Variants in NAT14 observed in about 807,000 individuals in gnomAD.
The protein encoded by NAT14 is N-acetyltransferase 14 (putative), also known as probable N-acetyltransferase 14.
A neutral mutation model predicts 12.1 loss-of-function variants in NAT14; 14 were observed. That is an observed-to-expected ratio of 1.16 (90% confidence interval 0.76 to 1.81). The LOEUF is 1.81. Among genes scored for constraint, NAT14 ranks in the 40% most tolerant of loss-of-function variants. The pLI is 0.00. For missense variants in NAT14, 341 were observed against 304.3 expected, an observed-to-expected ratio of 1.12 and a Z score of -0.90; for synonymous variants, 156 against 145.1, an observed-to-expected ratio of 1.08 and a Z score of -0.54.
chr19:55,486,695 G>A lies in NAT14; in HGVS notation c.360G>A (p.Gly120=). 7.0e-7 allele frequency: 1 copy of A among 1,429,860 alleles called. No individual in the cohort carries two copies. The highest frequency in any genetic ancestry group is 1.5e-5 in the South Asian group (1 of 67,016). The allele number at this position is 1,429,860 out of a possible 1,614,324, so 88.6% of individuals were successfully genotyped here. The change falls in exon 3 of 3, where the codon GGG becomes GGA. Residue 120 remains glycine, a synonymous_variant. Transcript: ENST00000205194. ...CTCTGGCCCCTGGCACAAATGCAGGGGACGGGGCCCGGGTCACCCGCCTGT... is the reference window on the plus strand; with the variant it reads ...CTCTGGCCCCTGGCACAAATGCAGGAGACGGGGCCCGGGTCACCCGCCTGT... ...VLALAPGTNA[G]DGARVTRLSV...
Position 55,487,487 on chromosome 19 carries a change from G to C in NAT14, c.*531G>C, listed in dbSNP as rs1986963396. On this transcript the variant is annotated 3_prime_UTR_variant, in exon 3 of 3. Coordinates refer to ENST00000205194, the MANE Select transcript of NAT14 (RefSeq NM_020378.4). ...CCTGGCCCCTCTCTGGGAAGGTTGA[G>C]AGCTGAGACGGGCAGCCCTGTCCCT... is the stretch of plus-strand genomic sequence containing the variant. The C allele has an allele frequency of 2.5e-6, 1 of 397,310 alleles. No individual in the cohort carries two copies. Among genetic ancestry groups the C allele is most frequent in the Non-Finnish European group, 4.4e-6 (1 of 225,784 alleles). 24.6% of individuals were successfully genotyped at this position (397,310 alleles called of 1,614,324 possible). A position where few individuals can be genotyped will look rare whatever the true frequency, so the allele number is the denominator to read the frequency against.
Position 55,487,175 on chromosome 19 carries a change from CT to C in NAT14, c.*223del. 3.0e-6 allele frequency: 2 copies of C among 674,580 alleles called. No individual in the cohort carries two copies. Among genetic ancestry groups the C allele is most frequent in the Non-Finnish European group, 2.3e-6 (1 of 437,020 alleles). The allele number at this position is 674,580 out of a possible 1,614,324, so 41.8% of individuals were successfully genotyped here. Reference sequence around the variant, plus strand: ...TGAGCTTCTCAGAGTGGAATGACTCCTTTTCCTTCCTGGCCCTCGGGGGCCT... The same window carrying C: ...TGAGCTTCTCAGAGTGGAATGACTCCTTTCCTTCCTGGCCCTCGGGGGCCT... On this transcript the variant is annotated 3_prime_UTR_variant, in exon 3 of 3. Coordinates refer to ENST00000205194, the MANE Select transcript of NAT14 (RefSeq NM_020378.4).
At chr19:55,486,364 G>T (rs758155869) in intron 2 of NAT14, 44 bp from the exon 3 acceptor site, 2 of 1,403,376 alleles carry the variant, frequency 1.4e-6, no homozygotes, top group African/African-American at 1.5e-5. Context: ...TTGTCCAGGA[G>T]GCCCTAGCGT....
chr19:55,486,476 C>G lies in NAT14; in HGVS notation c.141C>G (p.Leu47=). 2.6e-6 allele frequency: 4 copies of G among 1,559,328 alleles called. No homozygotes were observed. Among genetic ancestry groups the G allele is most frequent in the Non-Finnish European group, 3.4e-6 (4 of 1,161,320 alleles). ...HALTRPPALL[L]LAAASSGLRF... ...TGACACGGCCGCCGGCCCTGCTCCT[C>G]CTGGCGGCGGCCAGCAGCGGCCTGC... Residue 47 remains leucine (L), a synonymous_variant, in exon 3 of 3, where the codon CTC becomes CTG. Coordinates refer to ENST00000205194, the MANE Select transcript of NAT14 (RefSeq NM_020378.4).
At position 55,485,905 on chromosome 19, in the gene NAT14, G is replaced by C. The variant is rs1986900867; in HGVS notation, c.72+125G>C. 3.9e-6 allele frequency: 3 copies of C among 775,260 alleles called. No individual in the cohort carries two copies. The South Asian group carries it at 4.7e-5, about 12-fold the overall frequency. The allele number at this position is 775,260 out of a possible 1,614,324, so 48.0% of individuals were successfully genotyped here. A position where few individuals can be genotyped will look rare whatever the true frequency, so the allele number is the denominator to read the frequency against. ...CCCTGGAGCGGGATCTTTTCCTCCT[G>C]AGCCTCAGCCGCCCTGCTGCTGAAA... On this transcript the variant is annotated intron_variant, in intron 2 of 2. Transcript: ENST00000205194.
At position 55,486,729 on chromosome 19, in the gene NAT14, C is replaced by G. The variant is rs867256343; in HGVS notation, c.394C>G (p.Arg132Gly). ...CCGGGTCACCCGCCTGTCTGTCTCT[C>G]GCTGGCACCGCCGCCGGGGCGTGGG... ...GARVTRLSVSRWHRRRGVGRR... is the reference protein window; with the variant it reads ...GARVTRLSVSGWHRRRGVGRR... The change falls in exon 3 of 3, where the codon CGC becomes GGC. Residue 132 changes from arginine (R) to glycine (G), a missense_variant. Arg to Gly is a moderately radical substitution (Grantham distance 125, BLOSUM62 -2). Coordinates refer to ENST00000205194, the MANE Select transcript of NAT14 (RefSeq NM_020378.4). 9 of 1,415,996 alleles carry G rather than the reference C, an allele frequency of 6.4e-6. No homozygotes were observed. Among genetic ancestry groups the G allele is most frequent in the East Asian group, 5.7e-5 (2 of 35,364 alleles). 87.7% of individuals were successfully genotyped at this position (1,415,996 alleles called of 1,614,324 possible). A position where few individuals can be genotyped will look rare whatever the true frequency, so the allele number is the denominator to read the frequency against.
rs118182626 is a variant in NAT14, at chr19:55,486,950, C to T, written c.615C>T (p.Asp205=). Residue 205 remains aspartate, a synonymous_variant, in exon 3 of 3, where the codon GAC becomes GAT. Transcript: ENST00000205194. The stretch of plus-strand genomic sequence containing the variant: ...CGCTGGTGAGGGAATTCAGCAAAGA[C>T]CTGTGAAGCTACAGACTGACAGCCA... ...GYTLVREFSK[D]L is the part of the protein sequence containing the mutation. 1.5e-3 allele frequency: 2,333 copies of T among 1,559,416 alleles called. 13 individuals carry two copies. In the Middle Eastern group the frequency reaches 0.018, roughly 12 times the overall value.
At position 55,486,214 on chromosome 19, in the gene NAT14, T is replaced by A. The variant is rs1042152730; in HGVS notation, c.73-194T>A. 1.7e-5 allele frequency: 12 copies of A among 726,318 alleles called. No homozygotes were observed. In the Admixed American group the frequency reaches 2.8e-4, roughly 17 times the overall value. The allele number at this position is 726,318 out of a possible 1,614,324, so 45.0% of individuals were successfully genotyped here. ...AATTGAGTGCCCCCACAGCTCCTAA[T>A]TCACTCATCCATCCATCATTCGCTC... is the stretch of plus-strand genomic sequence containing the variant. On this transcript the variant is annotated intron_variant, in intron 2 of 2. Transcript: ENST00000205194.
In NAT14 at chr19:55,487,054, T is replaced by C; in HGVS notation, c.*98T>C. 1 of 1,455,318 alleles carries C rather than the reference T, an allele frequency of 6.9e-7. No homozygotes were observed. Among genetic ancestry groups the C allele is most frequent in the Non-Finnish European group, 9.0e-7 (1 of 1,108,032 alleles). The allele number at this position is 1,455,318 out of a possible 1,614,324, so 90.2% of individuals were successfully genotyped here. Reference sequence around the variant, plus strand: ...GGTTCTTTTACCTGCTCTCCCTCAGTGAGTCCTCAACCACCCTGGGCCCAG... The same window carrying C: ...GGTTCTTTTACCTGCTCTCCCTCAGCGAGTCCTCAACCACCCTGGGCCCAG... On this transcript the variant is annotated 3_prime_UTR_variant, in exon 3 of 3. Transcript: ENST00000205194.
chr19:55,486,830 C>A lies in NAT14; in HGVS notation c.495C>A (p.Leu165=), dbSNP rs757544482. The A allele has an allele frequency of 2.7e-6, 4 of 1,506,736 alleles. No individual in the cohort carries two copies. The African/African-American group carries it at 5.7e-5, about 22-fold the overall frequency. 93.3% of individuals were successfully genotyped at this position (1,506,736 alleles called of 1,614,324 possible). ...AGGMGEPRAR[L]VVPVAVAAWG... ...GCATGGGGGAGCCCCGGGCCCGGCT[C>A]GTGGTCCCCGTGGCTGTGGCCGCCT... The change falls in exon 3 of 3, where the codon CTC becomes CTA. Residue 165 remains leucine, a synonymous_variant. Transcript: ENST00000205194.
At position 55,486,729 on chromosome 19, in the gene NAT14, C is replaced by A. The variant is rs867256343; in HGVS notation, c.394C>A (p.Arg132Ser). The change falls in exon 3 of 3, where the codon CGC becomes AGC. Residue 132 changes from arginine to serine, a missense_variant. Coordinates refer to ENST00000205194, the MANE Select transcript of NAT14 (RefSeq NM_020378.4). ...CCGGGTCACCCGCCTGTCTGTCTCTCGCTGGCACCGCCGCCGGGGCGTGGG... is the reference window on the plus strand; with the variant it reads ...CCGGGTCACCCGCCTGTCTGTCTCTAGCTGGCACCGCCGCCGGGGCGTGGG... ...GARVTRLSVS[R>S]WHRRRGVGRR... 7.1e-7 allele frequency: 1 copy of A among 1,415,994 alleles called. No individual in the cohort carries two copies. The highest frequency in any genetic ancestry group is 1.5e-5 in the South Asian group (1 of 65,130). 87.7% of individuals were successfully genotyped at this position (1,415,994 alleles called of 1,614,324 possible). A position where few individuals can be genotyped will look rare whatever the true frequency, so the allele number is the denominator to read the frequency against.
At position 55,486,521 on chromosome 19, in the gene NAT14, C is replaced by A; in HGVS notation, c.186C>A (p.Phe62Leu). Residue 62 changes from phenylalanine (F) to leucine (L), a missense_variant, in exon 3 of 3, where the codon TTC becomes TTA. Phe to Leu is a conservative substitution (Grantham distance 22). Transcript: ENST00000205194. ...GCCTGCGCTTTGTCCTGGCTTCCTT[C>A]GCCCTGGCCCTCCTCCTGCCGGTGT... ...SSGLRFVLAS[F>L]ALALLLPVFL... is the part of the protein sequence containing the mutation. The A allele has an allele frequency of 6.3e-7, 1 of 1,586,920 alleles. No homozygotes were observed. Among genetic ancestry groups the A allele is most frequent in the Non-Finnish European group, 8.5e-7 (1 of 1,173,654 alleles).
At position 55,487,460 on chromosome 19, in the gene NAT14, G is replaced by C. The variant is rs1986962568; in HGVS notation, c.*504G>C. On this transcript the variant is annotated 3_prime_UTR_variant, in exon 3 of 3. Transcript: ENST00000205194. ...GGAGGCGCGACGCACAGGGCTGCCA[G>C]GCCTGGCCCCTCTCTGGGAAGGTTG... 1 of 398,040 alleles carries C rather than the reference G, an allele frequency of 2.5e-6. No homozygotes were observed. 24.7% of individuals were successfully genotyped at this position (398,040 alleles called of 1,614,324 possible). A position where few individuals can be genotyped will look rare whatever the true frequency, so the allele number is the denominator to read the frequency against.
Position 55,486,551 on chromosome 19 carries a change from G to T in NAT14, c.216G>T (p.Leu72=). ...TGGCCCTCCTCCTGCCGGTGTTCCT[G>T]GCTGTGGCCGCCGTGAAGCTGGGCC... ...FALALLLPVF[L]AVAAVKLGLR... is the part of the protein sequence containing the mutation. The change falls in exon 3 of 3, where the codon CTG becomes CTT. Residue 72 remains leucine (L), a synonymous_variant. Coordinates refer to ENST00000205194, the MANE Select transcript of NAT14 (RefSeq NM_020378.4). The T allele has an allele frequency of 6.3e-7, 1 of 1,587,940 alleles. No individual in the cohort carries two copies. Among genetic ancestry groups the T allele is most frequent in the Admixed American group, 1.7e-5 (1 of 58,844 alleles).
intron 2 of NAT14, 101 bp downstream of exon 2, chr19:55,485,881 C>T (rs1210788367): frequency 1.1e-6 from 1 of 924,170 alleles, no homozygotes; most frequent in African/African-American, 1.6e-5. Context: ...AGCCTGGACC[C>T]CTGGAGCGGG....
At position 55,486,482 on chromosome 19, in the gene NAT14, G is replaced by GGCGGCCAGCA; in HGVS notation, c.154_163dup (p.Leu55GlnfsTer55). The GGCGGCCAGCA allele has an allele frequency of 6.4e-7, 1 of 1,561,932 alleles. No individual in the cohort carries two copies. ...GGCCGCCGGCCCTGCTCCTCCTGGC[G>GGCGGCCAGCA]GCGGCCAGCAGCGGCCTGCGCTTTG... On this transcript the variant is annotated frameshift_variant, in exon 3 of 3. Coordinates refer to ENST00000205194, the MANE Select transcript of NAT14 (RefSeq NM_020378.4). LOFTEE classifies it high-confidence loss of function.
chr19:55,486,371 G>T (rs1986911944), intron 2 of NAT14, 37 bp from the exon 3 acceptor site: 5 of 1,410,402 alleles, frequency 3.5e-6, no homozygotes, highest in Non-Finnish European at 4.6e-6. Context: ...GGAGGCCCTA[G>T]CGTTTCGGAT....
Position 55,487,129 on chromosome 19 carries a change from C to A in NAT14, c.*173C>A. 1 of 999,638 alleles carries A rather than the reference C, an allele frequency of 1.0e-6. No individual in the cohort carries two copies. Among genetic ancestry groups the A allele is most frequent in the Non-Finnish European group, 1.4e-6 (1 of 718,186 alleles). 61.9% of individuals were successfully genotyped at this position (999,638 alleles called of 1,614,324 possible). A position where few individuals can be genotyped will look rare whatever the true frequency, so the allele number is the denominator to read the frequency against. ...AGCCTGGCCTCTGTCCACCCGTCAG[C>A]AGTGTGAAGTCTGTTGTGTTTGAGC... On this transcript the variant is annotated 3_prime_UTR_variant, in exon 3 of 3. Coordinates refer to ENST00000205194, the MANE Select transcript of NAT14 (RefSeq NM_020378.4).
chr19:55,485,829 A>G, intron 2 of NAT14, 49 bp downstream of exon 2: 9 of 1,385,626 alleles, frequency 6.5e-6, no homozygotes, highest in Non-Finnish European at 9.0e-6. Context: ...CAGTGGGGGA[A>G]TTGCAAGTGG....
Sources: allele counts gnomAD v4.1 joint callset, GRCh38; gene constraint gnomAD v4.1.1; transcripts MANE v1.5; gene names NCBI Gene and HGNC (gene_info 2026-07-23, HGNC 2026-07-21).